The following TBXAS1 variants were observed in gnomAD, a reference collection of about 807,000 sequenced individuals.
TBXAS1 encodes the protein thromboxane-A synthase.
A neutral mutation model predicts 60.7 loss-of-function variants in TBXAS1; 48 were observed. That is an observed-to-expected ratio of 0.79 (90% confidence interval 0.63 to 1.01). The LOEUF is 1.01. Among genes scored for constraint, TBXAS1 ranks in the 50% least tolerant of loss-of-function variants. TBXAS1 has a pLI of 0.00. For missense variants in TBXAS1, 685 were observed against 686.3 expected, an observed-to-expected ratio of 1.00 and a Z score of 0.02; for synonymous variants, 287 against 269.7, an observed-to-expected ratio of 1.06 and a Z score of -0.63.
intron 4 of TBXAS1, among the ~76,000 whole-genome samples, chr7:139,802,339 C>A (rs1797742475): frequency 6.6e-6 from 1 of 152,128 alleles, no homozygotes; most frequent in Admixed American, 6.5e-5. Context: ...TGGCTGCATC[C>A]CTAACCAAAT....
chr7:139,865,024 C>T (rs979119057), intron 1 of TBXAS1, among the ~76,000 whole-genome samples: 10 of 152,150 alleles, frequency 6.6e-5, no homozygotes, highest in Admixed American at 1.3e-4. Context: ...TGAACAGTCT[C>T]GTTTGCAGGT....
intron 8 of TBXAS1, among the ~76,000 whole-genome samples, chr7:139,958,738 C>G (rs1810080082): frequency 6.6e-6 from 1 of 152,242 alleles, no homozygotes; most frequent in Non-Finnish European, 1.5e-5. Context: ...GCAAACGTGT[C>G]TAGATCCAGA....
intron 4 of TBXAS1, among the ~76,000 whole-genome samples, chr7:139,921,400 A>G (rs1364817698): frequency 1.3e-5 from 2 of 152,170 alleles, no homozygotes; most frequent in African/African-American, 4.8e-5. Context: ...CATCCATACC[A>G]CGTATTTAGA....
intron 1 of TBXAS1, 150 bp downstream of exon 1, chr7:139,829,629 A>C (rs1798579587): frequency 1.3e-6 from 1 of 763,330 alleles, no homozygotes. Flanking sequence ...AATTAAAAGC[A>C]AACAGCCAGG....
intron 1 of TBXAS1, among the ~76,000 whole-genome samples, chr7:139,853,284 C>T (rs1056331637): frequency 6.6e-6 from 1 of 152,142 alleles, no homozygotes; most frequent in African/African-American, 2.4e-5. Flanking sequence ...GGGCTTTTCG[C>T]ATCCCCCGTC....
intron 1 of TBXAS1, among the ~76,000 whole-genome samples, chr7:139,842,015 G>T (rs1240730501): frequency 6.6e-6 from 1 of 152,014 alleles, no homozygotes; most frequent in Non-Finnish European, 1.5e-5. Flanking sequence ...AATATTATTT[G>T]CAATTTTAAA....
intron 1 of TBXAS1, among the ~76,000 whole-genome samples, chr7:139,863,574 A>G (rs929669509): frequency 6.6e-6 from 1 of 152,230 alleles, no homozygotes; most frequent in Non-Finnish European, 1.5e-5. Flanking sequence ...ATTGGAATGC[A>G]ACTATCAGAC....
At chr7:139,941,126 G>C (rs1808257444) in intron 5 of TBXAS1, among the ~76,000 whole-genome samples, 1 of 152,194 alleles carries the variant, frequency 6.6e-6, no homozygotes, top group African/African-American at 2.4e-5. Flanking sequence ...AAATAGCTTT[G>C]AAATACCAGC....
At chr7:139,955,731 C>T (rs1809818937) in intron 7 of TBXAS1, 124 bp downstream of exon 7, 5 of 1,413,086 alleles carry the variant, frequency 3.5e-6, no homozygotes, top group Non-Finnish European at 4.9e-6. Context: ...GGTTGTTCCC[C>T]TGCAGAGGCT....
At chr7:139,914,698 C>T (rs1227712202) in intron 4 of TBXAS1, among the ~76,000 whole-genome samples, 1 of 152,160 alleles carries the variant, frequency 6.6e-6, no homozygotes, top group Admixed American at 6.5e-5. Context: ...TCCACATGCA[C>T]TTTTCCCCTT....
chr7:139,802,744 A>G (rs1797752257), intron 4 of TBXAS1, among the ~76,000 whole-genome samples: 2 of 152,208 alleles, frequency 1.3e-5, no homozygotes, highest in Admixed American at 6.5e-5. Context: ...AGATCACTCC[A>G]CTGCACTCCA....
At chr7:139,948,766 C>T (rs747749942) in intron 5 of TBXAS1, among the ~76,000 whole-genome samples, 8 of 151,974 alleles carry the variant, frequency 5.3e-5, no homozygotes, top group Non-Finnish European at 1.0e-4. Flanking sequence ...AGAAGAACTG[C>T]GGGGTTTGTG....
At chr7:139,964,155 G>A (rs1394386568) in intron 9 of TBXAS1, among the ~76,000 whole-genome samples, 2 of 151,980 alleles carry the variant, frequency 1.3e-5, no homozygotes, top group Non-Finnish European at 2.9e-5. Context: ...GCACAATCCT[G>A]GCTCACTGCA....
At chr7:139,863,658 T>G (rs371336393) in intron 1 of TBXAS1, among the ~76,000 whole-genome samples, 3 of 152,298 alleles carry the variant, frequency 2.0e-5, no homozygotes, top group East Asian at 3.9e-4. Flanking sequence ...TAGCTTTAAA[T>G]GCGTTCATTG....
chr7:139,925,191 G>A (rs530744215), intron 4 of TBXAS1, among the ~76,000 whole-genome samples: 2 of 152,088 alleles, frequency 1.3e-5, no homozygotes, highest in East Asian at 3.9e-4. Flanking sequence ...ATTTCTGTGA[G>A]GAATGTCACA....
chr7:139,982,105 G>A (rs1467275562), intron 9 of TBXAS1, among the ~76,000 whole-genome samples: 1 of 152,020 alleles, frequency 6.6e-6, no homozygotes, highest in African/African-American at 2.4e-5. Context: ...ACAGGCTTCT[G>A]GTTAAATTTG....
In TBXAS1 at chr7:139,976,766, A is replaced by G. The variant is rs190453827; in HGVS notation, c.1134+14533A>G. ...CAGCGGATTCTAAAATGCAGCCAGG[A>G]GGAAGAACGTTGCCAGAATCCCATG... On this transcript the variant is annotated intron_variant, in intron 9 of 12. Transcript: ENST00000448866. Among the ~76,000 whole-genome samples the G allele has an allele frequency of 2.2e-4, 33 of 152,312 alleles. No homozygotes were observed. The South Asian group carries it at 2.5e-3, about 11-fold the overall frequency.
At chr7:140,005,023 C>G (rs2116369756) in intron 9 of TBXAS1, among the ~76,000 whole-genome samples, 1 of 152,298 alleles carries the variant, frequency 6.6e-6, no homozygotes, top group African/African-American at 2.4e-5. Flanking sequence ...GGCCATAGGT[C>G]AGGGCAGAAA....
At chr7:139,814,194 T>G (rs370104577) in intron 4 of TBXAS1, among the ~76,000 whole-genome samples, 7 of 152,330 alleles carry the variant, frequency 4.6e-5, no homozygotes, top group African/African-American at 1.7e-4. Context: ...TCAGCTCACT[T>G]CCTGATCAAC....
Sources: allele counts gnomAD v4.1 joint callset (sites outside exome capture counted in the v4.1 genomes callset), GRCh38; gene constraint gnomAD v4.1.1; transcripts MANE v1.5; gene names NCBI Gene and HGNC (gene_info 2026-07-23, HGNC 2026-07-21).